FRYL: variants seen among roughly 807,000 people sequenced by gnomAD.
FRYL encodes FRY like transcription coactivator, also known as protein furry homolog-like.
In FRYL, 150 loss-of-function variants were observed where a neutral mutation model predicts 351.2. The observed-to-expected ratio is 0.43, with a 90% CI of 0.37 to 0.49. The LOEUF (loss-of-function observed/expected upper bound fraction) is 0.49, where lower values mean the gene tolerates loss of function less well. Among genes scored for constraint, FRYL ranks in the 20% least tolerant of loss-of-function variants. The pLI, the probability that FRYL is intolerant of heterozygous loss-of-function variation, is 0.00. For missense variants in FRYL, 3,036 were observed against 3,619.3 expected, an observed-to-expected ratio of 0.84 and a Z score of 4.13; for synonymous variants, 1,153 against 1,257.1, an observed-to-expected ratio of 0.92 and a Z score of 1.75.
Position 48,551,591 on chromosome 4 carries a change from A to G in FRYL, c.4436-13T>C. ...CTGGAAGTAGTTCCTGTAATCAAAG[A>G]CAAAGCAGTACTCGTGAATCTACAA... On this transcript the variant is annotated splice_polypyrimidine_tract_variant and intron_variant, in intron 36 of 63. Coordinates refer to ENST00000358350, the MANE Select transcript of FRYL (RefSeq NM_015030.2). The G allele has an allele frequency of 1.3e-6, 2 of 1,528,888 alleles. No homozygotes were observed. Among genetic ancestry groups the G allele is most frequent in the Non-Finnish European group, 9.1e-7 (1 of 1,103,444 alleles). 94.7% of individuals were successfully genotyped at this position (1,528,888 alleles called of 1,614,324 possible).
chr4:48,625,314 T>C (rs1251542471), intron 4 of FRYL, among the ~76,000 whole-genome samples: 4 of 152,160 alleles, frequency 2.6e-5, no homozygotes, highest in Admixed American at 1.3e-4. Flanking sequence ...AAGAGGTGTA[T>C]AGAAGGACAT....
intron 35 of FRYL, among the ~76,000 whole-genome samples, chr4:48,555,591 G>A (rs1324885216): frequency 6.6e-6 from 1 of 152,212 alleles, no homozygotes; most frequent in African/African-American, 2.4e-5. Flanking sequence ...GAAGGCAAGT[G>A]AGTGTGAGGG....
intron 3 of FRYL, among the ~76,000 whole-genome samples, chr4:48,675,758 C>T (rs1207657407): frequency 2.0e-5 from 3 of 152,226 alleles, no homozygotes; most frequent in Admixed American, 2.0e-4. Flanking sequence ...GGCAGCTCCA[C>T]CTGCAGCCCC....
At chr4:48,691,435 T>C (rs1560866723) in intron 2 of FRYL, among the ~76,000 whole-genome samples, 1 of 152,106 alleles carries the variant, frequency 6.6e-6, no homozygotes, top group Non-Finnish European at 1.5e-5. Flanking sequence ...ATATTCCACA[T>C]ACATTTTTAC....
chr4:48,548,859 C>A lies in FRYL; in HGVS notation c.4785-66G>T, dbSNP rs531053914. ...CAGTAAACCTAGAGAGAATTTGGTA[C>A]AAAATTACTTGAAGACTTTAATATC... On this transcript the variant is annotated intron_variant, in intron 39 of 63. Coordinates refer to ENST00000358350, the MANE Select transcript of FRYL (RefSeq NM_015030.2). 37 of 893,170 alleles carry A rather than the reference C, an allele frequency of 4.1e-5. No individual in the cohort carries two copies. In the East Asian group the frequency reaches 6.0e-4, roughly 15 times the overall value. The allele number at this position is 893,170 out of a possible 1,614,324, so 55.3% of individuals were successfully genotyped here. A position where few individuals can be genotyped will look rare whatever the true frequency, so the allele number is the denominator to read the frequency against.
intron 37 of FRYL, 54 bp from the exon 38 acceptor site, chr4:48,550,758 A>G: frequency 8.3e-7 from 1 of 1,211,514 alleles, no homozygotes; most frequent in South Asian, 1.2e-5. Context: ...TGGTATTTAT[A>G]CTTTATGTTT....
intron 4 of FRYL, among the ~76,000 whole-genome samples, chr4:48,628,025 C>G (rs1035143855): frequency 1.3e-5 from 2 of 152,200 alleles, no homozygotes; most frequent in Admixed American, 6.5e-5. Flanking sequence ...TGCGCCTCAG[C>G]CTCCCAAAGT....
intron 43 of FRYL, 148 bp downstream of exon 43, chr4:48,544,635 T>G (rs1261678475): frequency 1.8e-6 from 1 of 567,848 alleles, no homozygotes; most frequent in Non-Finnish European, 2.8e-6. Flanking sequence ...TTTTCTTCAG[T>G]GAAAACAGAT....
intron 3 of FRYL, among the ~76,000 whole-genome samples, chr4:48,674,364 A>C (rs933342340): frequency 6.6e-6 from 1 of 152,160 alleles, no homozygotes; most frequent in Non-Finnish European, 1.5e-5. Flanking sequence ...ACACACATAC[A>C]AAAAAACAGT....
At chr4:48,609,691 C>A in intron 8 of FRYL, 53 bp downstream of exon 8, 1 of 826,678 alleles carries the variant, frequency 1.2e-6, no homozygotes, top group South Asian at 1.7e-5. Flanking sequence ...TTAAAATAGT[C>A]TAGACCTGGA....
intron 3 of FRYL, among the ~76,000 whole-genome samples, chr4:48,658,691 C>T (rs1354111020): frequency 6.6e-6 from 1 of 151,646 alleles, no homozygotes; most frequent in East Asian, 1.9e-4. Context: ...GAAGTCGAGG[C>T]CGCAGTGAGC....
intron 3 of FRYL, among the ~76,000 whole-genome samples, chr4:48,647,805 C>T (rs569262440): frequency 1.3e-5 from 2 of 152,118 alleles, no homozygotes; most frequent in South Asian, 2.1e-4. Flanking sequence ...TTCTTAGGAT[C>T]CACTTCTCAA....
intron 3 of FRYL, chr4:48,637,409 T>A (rs990178902): frequency 2.0e-5 from 3 of 152,110 alleles, no homozygotes; most frequent in Non-Finnish European, 2.9e-5. Flanking sequence ...AGCTTCCATA[T>A]AACTAGACTA....
At position 48,549,390 on chromosome 4, in the gene FRYL, G is replaced by A. The variant is rs1480133320; in HGVS notation, c.4784+83C>T. 3.6e-5 allele frequency: 45 copies of A among 1,251,292 alleles called. No individual in the cohort carries two copies. The highest frequency in any genetic ancestry group is 5.0e-5 in the Non-Finnish European group (45 of 906,318). The allele number at this position is 1,251,292 out of a possible 1,614,324, so 77.5% of individuals were successfully genotyped here. A position where few individuals can be genotyped will look rare whatever the true frequency, so the allele number is the denominator to read the frequency against. Reference sequence around the variant, plus strand: ...CCATAAAGAAGATTGCTTTCATTCTGTGTTGTCAGATAGCACAAAGAAAGC... The same window carrying A: ...CCATAAAGAAGATTGCTTTCATTCTATGTTGTCAGATAGCACAAAGAAAGC... On this transcript the variant is annotated intron_variant, in intron 39 of 63. Transcript: ENST00000358350. The surrounding 1 kb of genome is among the most constrained non-coding windows in gnomAD (Gnocchi z 4.2).
In FRYL at chr4:48,758,682, A is replaced by C. The variant is rs569809604; in HGVS notation, c.-384+21396T>G. Among the ~76,000 whole-genome samples, 3 of 152,378 alleles carry C rather than the reference A, an allele frequency of 2.0e-5. No individual in the cohort carries two copies. The South Asian group carries it at 6.2e-4, about 32-fold the overall frequency. ...GTGGAAGACAGTGTGGCGATTCCTC[A>C]AGGATCTAGAACTAGAAATAACATT... is the stretch of plus-strand genomic sequence containing the variant. On this transcript the variant is annotated intron_variant, in intron 1 of 63. Transcript: ENST00000358350.
chr4:48,542,599 T>C (rs762415809), intron 44 of FRYL, among the ~76,000 whole-genome samples: 1 of 152,198 alleles, frequency 6.6e-6, no homozygotes, highest in Non-Finnish European at 1.5e-5. Context: ...GTATTTTTAG[T>C]AGAGACAGAT....
At position 48,770,487 on chromosome 4, in the gene FRYL, G is replaced by C. The variant is rs369074247; in HGVS notation, c.-384+9591C>G. ...AGTTTCGCTCTTGTTGCCCAGTTTG[G>C]AGTGCAATGGTGCAATCTCGGCTCA... is the stretch of plus-strand genomic sequence containing the variant. On this transcript the variant is annotated intron_variant, in intron 1 of 63. Coordinates refer to ENST00000358350, the MANE Select transcript of FRYL (RefSeq NM_015030.2). 1.4e-3 allele frequency among the ~76,000 whole-genome samples: 215 copies of C among 151,200 alleles called. 1 individual carries two copies. The highest frequency in any genetic ancestry group is 4.6e-3 in the African/African-American group (191 of 41,158).
intron 38 of FRYL, among the ~76,000 whole-genome samples, chr4:48,550,149 T>C (rs1732371273): frequency 1.3e-5 from 2 of 152,214 alleles, no homozygotes; most frequent in South Asian, 4.1e-4. Context: ...TTGGACCAGA[T>C]CATCTTCAGT....
chr4:48,519,539 T>C (rs1326776218), intron 55 of FRYL, among the ~76,000 whole-genome samples: 1 of 151,838 alleles, frequency 6.6e-6, no homozygotes, highest in Admixed American at 6.6e-5. Context: ...AGTCTCACTC[T>C]GTTGCCAGGT....
Sources: allele counts gnomAD v4.1 joint callset (sites outside exome capture counted in the v4.1 genomes callset), GRCh38; gene constraint gnomAD v4.1.1; non-coding constraint Gnocchi (gnomAD v3.1); transcripts MANE v1.5; gene names NCBI Gene and HGNC (gene_info 2026-07-23, HGNC 2026-07-21).